The following LDB2 variants were observed in gnomAD, a reference collection of about 807,000 sequenced individuals.
LDB2 encodes the protein LIM domain binding 2, also known as LIM domain-binding protein 2.
A neutral mutation model predicts 44.3 loss-of-function variants in LDB2; 12 were observed. That is an observed-to-expected ratio of 0.27 (90% CI 0.17 to 0.44). The LOEUF (loss-of-function observed/expected upper bound fraction) is 0.44. Among genes scored for constraint, LDB2 ranks in the 20% least tolerant of loss-of-function variants. LDB2 has a pLI of 1.00. For missense variants in LDB2, 344 were observed against 473.5 expected (o/e 0.73, Z 2.54); for synonymous variants, 164 against 174.8 (o/e 0.94, Z 0.49).
At chr4:16,819,232 G>T (rs1201274881) in intron 1 of LDB2, among the ~76,000 whole-genome samples, 2 of 151,786 alleles carry the variant, frequency 1.3e-5, no homozygotes, top group Non-Finnish European at 2.9e-5. Context: ...TAAATTAAAA[G>T]AAATAATTCT....
chr4:16,696,962 C>T (rs2152620614), intron 2 of LDB2, among the ~76,000 whole-genome samples: 1 of 152,202 alleles, frequency 6.6e-6, no homozygotes, highest in South Asian at 2.1e-4. Flanking sequence ...ATCCAATGCT[C>T]ACTTCTCCAG....
At chr4:16,553,847 G>A (rs748373550) in intron 5 of LDB2, among the ~76,000 whole-genome samples, 3 of 152,112 alleles carry the variant, frequency 2.0e-5, no homozygotes, top group African/African-American at 4.8e-5. Context: ...TGAGCACACT[G>A]AGGCCTGTGG....
At chr4:16,788,874 CCAGCCTACTGGGGAAGCCAG>C (rs1218944255) in intron 1 of LDB2, among the ~76,000 whole-genome samples, 4 of 152,194 alleles carry the variant, frequency 2.6e-5, no homozygotes, top group African/African-American at 9.6e-5. Context: ...TCCTTCCTGT[CCAGCCTACTGGGGAAGCCAG>C]CAGCCCACTG....
At chr4:16,824,199 A>C (rs1445273347) in intron 1 of LDB2, among the ~76,000 whole-genome samples, 2 of 152,192 alleles carry the variant, frequency 1.3e-5, no homozygotes, top group Admixed American at 6.5e-5. Context: ...AAGAGTTATT[A>C]GGGGAGAGAT....
chr4:16,851,626 A>C (rs1788283463), intron 1 of LDB2, among the ~76,000 whole-genome samples: 1 of 152,050 alleles, frequency 6.6e-6, no homozygotes, highest in Non-Finnish European at 1.5e-5. Flanking sequence ...AAAAAAAGAA[A>C]ATTCCAGTAG....
At position 16,667,325 on chromosome 4, in the gene LDB2, G is replaced by T. The variant is rs149318600; in HGVS notation, c.236-71450C>A. The stretch of plus-strand genomic sequence containing the variant: ...TGAGCGTGTGCAGAGTCCTTGCCGT[G>T]CACGGAGCCCTGGGTGACATTGTTT... On this transcript the variant is annotated intron_variant, in intron 2 of 7. Coordinates refer to ENST00000304523, the MANE Select transcript of LDB2 (RefSeq NM_001290.5). Among the ~76,000 whole-genome samples, 741 of 152,304 alleles carry T rather than the reference G, an allele frequency of 4.9e-3. 5 individuals are homozygous for T. Among genetic ancestry groups the T allele is most frequent in the African/African-American group, 0.017 (697 of 41,558 alleles).
intron 1 of LDB2, among the ~76,000 whole-genome samples, chr4:16,838,301 G>T (rs958038706): frequency 6.6e-6 from 1 of 152,170 alleles, no homozygotes; most frequent in Non-Finnish European, 1.5e-5. Context: ...AGCAACAGAT[G>T]CAGAGACTCA....
chr4:16,722,105 T>A (rs895383326), intron 2 of LDB2, among the ~76,000 whole-genome samples: 4 of 152,124 alleles, frequency 2.6e-5, no homozygotes, highest in African/African-American at 9.7e-5. Flanking sequence ...GCAGGCAAAT[T>A]ATGGAACTTC....
chr4:16,617,301 C>G (rs1727608085), intron 2 of LDB2, among the ~76,000 whole-genome samples: 1 of 151,468 alleles, frequency 6.6e-6, no homozygotes, highest in Admixed American at 6.6e-5. Flanking sequence ...AAAACCCTCC[C>G]CGGGAAAAAA....
intron 1 of LDB2, among the ~76,000 whole-genome samples, chr4:16,870,529 G>A (rs568627269): frequency 6.7e-4 from 102 of 151,986 alleles, no homozygotes; most frequent in Non-Finnish European, 1.2e-3. Flanking sequence ...CTCTTTACCA[G>A]GTATAAAAGC....
chr4:16,512,180 A>T lies in LDB2; in HGVS notation c.616-76T>A, dbSNP rs937934947. ...ACAATAAATAATGCTAACAGCTGGA[A>T]TCAAGTAGACAGCTTTGAGAATACT... On this transcript the variant is annotated intron_variant, in intron 5 of 7. Transcript: ENST00000304523. 3 of 1,307,096 alleles carry T rather than the reference A, an allele frequency of 2.3e-6. No homozygotes were observed. In the South Asian group the frequency reaches 5.5e-5, roughly 24 times the overall value. The allele number at this position is 1,307,096 out of a possible 1,614,324, so 81.0% of individuals were successfully genotyped here.
chr4:16,638,737 C>G (rs1418106570), intron 2 of LDB2, among the ~76,000 whole-genome samples: 2 of 152,166 alleles, frequency 1.3e-5, no homozygotes, highest in African/African-American at 2.4e-5. Flanking sequence ...GTGCTGGGTA[C>G]TAGGACATAA....
At chr4:16,712,264 C>A (rs1756051757) in intron 2 of LDB2, among the ~76,000 whole-genome samples, 1 of 152,100 alleles carries the variant, frequency 6.6e-6, no homozygotes, top group East Asian at 1.9e-4. Flanking sequence ...ATACATTTCT[C>A]CAATGAAGAA....
intron 2 of LDB2, among the ~76,000 whole-genome samples, chr4:16,616,460 CAG>C (rs1354235067): frequency 6.6e-6 from 1 of 151,906 alleles, no homozygotes; most frequent in Non-Finnish European, 1.5e-5. Flanking sequence ...CATTCCCAAG[CAG>C]AGGTGCTGAG....
intron 1 of LDB2, among the ~76,000 whole-genome samples, chr4:16,860,728 C>G (rs1269913573): frequency 6.6e-6 from 1 of 152,196 alleles, no homozygotes; most frequent in African/African-American, 2.4e-5. Context: ...CCAGACTATT[C>G]AATGAGAGAC....
At chr4:16,557,711 A>G (rs1740272815) in intron 5 of LDB2, among the ~76,000 whole-genome samples, 1 of 152,232 alleles carries the variant, frequency 6.6e-6, no homozygotes, top group Non-Finnish European at 1.5e-5. Flanking sequence ...TGAAGAGAGC[A>G]GTGGTTCTCC....
At chr4:16,809,891 A>C (rs1471056356) in intron 1 of LDB2, among the ~76,000 whole-genome samples, 1 of 152,246 alleles carries the variant, frequency 6.6e-6, no homozygotes. Flanking sequence ...AGAAATCTAC[A>C]GGCTTTAATA....
chr4:16,715,054 T>A (rs950322363), intron 2 of LDB2, among the ~76,000 whole-genome samples: 2 of 152,196 alleles, frequency 1.3e-5, no homozygotes, highest in African/African-American at 4.8e-5. Flanking sequence ...TGAGATGTCA[T>A]ATGTGACCAG....
intron 2 of LDB2, among the ~76,000 whole-genome samples, chr4:16,646,960 C>G (rs1736967153): frequency 6.6e-6 from 1 of 152,156 alleles, no homozygotes; most frequent in African/African-American, 2.4e-5. Context: ...CTAGCAATAC[C>G]ACTACACAAG....
Sources: gnomAD v4.1 joint callset for allele counts (sites outside exome capture counted in the v4.1 genomes callset) on GRCh38, gnomAD v4.1.1 for gene constraint, MANE v1.5 for transcripts, NCBI Gene and HGNC (gene_info 2026-07-23, HGNC 2026-07-21) for gene names.